ANKRD62: variants seen among roughly 807,000 people sequenced by gnomAD.
ANKRD62 encodes ankyrin repeat domain 62.
In ANKRD62, 61 loss-of-function variants were observed where a neutral mutation model predicts 98.8. The observed-to-expected ratio is 0.62, with a 90% CI of 0.50 to 0.76. ANKRD62 has a LOEUF of 0.76. ANKRD62 is among the 30% of genes least tolerant of loss of function. ANKRD62 has a pLI of 0.00. For missense variants in ANKRD62, 933 were observed against 1,082.9 expected, an observed-to-expected ratio of 0.86 and a Z score of 1.94; for synonymous variants, 341 against 367.9, an observed-to-expected ratio of 0.93 and a Z score of 0.84.
chr18:12,115,357 C>T (rs748330894), intron 9 of ANKRD62, 36 bp from the exon 10 acceptor site: 88 of 1,499,916 alleles, frequency 5.9e-5, no homozygotes, highest in South Asian at 1.8e-4. Flanking sequence ...ATAAATATTT[C>T]GAGGGCATTT....
intron 9 of ANKRD62, 99 bp from the exon 10 acceptor site, chr18:12,115,294 T>C: frequency 7.6e-7 from 1 of 1,322,316 alleles, no homozygotes; most frequent in Non-Finnish European, 1.0e-6. Flanking sequence ...ACCTGTGTTT[T>C]TGCTCATGTA....
At chr18:12,122,923 T>C (rs1909810424) in intron 11 of ANKRD62, among the ~76,000 whole-genome samples, 1 of 152,200 alleles carries the variant, frequency 6.6e-6, no homozygotes. Flanking sequence ...TTAAAAGAGA[T>C]CGTTGATTAA....
chr18:12,102,348 C>G, intron 6 of ANKRD62: 1 of 657,610 alleles, frequency 1.5e-6, no homozygotes, highest in Non-Finnish European at 2.9e-6. Context: ...CCACACCATT[C>G]GGGGGTAGGT....
At chr18:12,173,865 G>C in the ANKRD62 span, among the ~76,000 whole-genome samples, 1 of 152,204 alleles carries the variant, frequency 6.6e-6, no homozygotes, top group Non-Finnish European at 1.5e-5. Context: ...CCTGTCATTA[G>C]TCTGATGGAT....
At chr18:12,102,155 C>G in intron 6 of ANKRD62, 1 of 1,179,162 alleles carries the variant, frequency 8.5e-7, no homozygotes, top group Non-Finnish European at 1.3e-6. Flanking sequence ...TGTCCAAGGC[C>G]CGAGTAACTA....
rs908083386 is a variant in ANKRD62, at chr18:12,126,072, A to G, written c.2251A>G (p.Ile751Val). 1.2e-5 allele frequency: 19 copies of G among 1,536,082 alleles called. No homozygotes were observed. The highest frequency in any genetic ancestry group is 6.8e-5 in the African/African-American group (5 of 73,064). The change falls in exon 13 of 14, where the codon ATT becomes GTT. Residue 751 changes from isoleucine to valine, a missense_variant. Around this residue, in one of 3 missense-constraint regions of ANKRD62, gnomAD observed 362 missense variants for 434.5 expected, o/e 0.83. Coordinates refer to ENST00000587848, the MANE Select transcript of ANKRD62 (RefSeq NM_001277333.2). Reference protein sequence around the residue: ...LSRTQRRLEDIEHMYQNDQPI... With the variant: ...LSRTQRRLEDVEHMYQNDQPI... ...CCGAACACAGCGTCGATTGGAGGAC[A>G]TTGAACACATGTACCAAAATGACCA...
rs546360409 is a variant in ANKRD62, at chr18:12,096,308, G to A, written c.614+6G>A. ...GCAATAGATAATTTTGGAAGGTACA[G>A]TAGTTCTTTTTTTGTTCATTTTTAA... On this transcript the variant is annotated splice_donor_region_variant and intron_variant, in intron 4 of 13. Coordinates refer to ENST00000587848, the MANE Select transcript of ANKRD62 (RefSeq NM_001277333.2). 5 of 1,487,254 alleles carry A rather than the reference G, an allele frequency of 3.4e-6. No homozygotes were observed. The South Asian group carries it at 5.0e-5, about 15-fold the overall frequency. 92.1% of individuals were successfully genotyped at this position (1,487,254 alleles called of 1,614,324 possible). A position where few individuals can be genotyped will look rare whatever the true frequency, so the allele number is the denominator to read the frequency against.
chr18:12,145,184 C>T, the ANKRD62 span, among the ~76,000 whole-genome samples: 1 of 152,090 alleles, frequency 6.6e-6, no homozygotes, highest in East Asian at 1.9e-4. Flanking sequence ...TTGGCCTGCA[C>T]TCTCTGAAGG....
At chr18:12,181,606 C>A in the ANKRD62 span, among the ~76,000 whole-genome samples, 3 of 152,156 alleles carry the variant, frequency 2.0e-5, no homozygotes, top group Non-Finnish European at 4.4e-5. Flanking sequence ...GTAGCCATCA[C>A]CATGATCTAA....
intron 11 of ANKRD62, among the ~76,000 whole-genome samples, 189 bp downstream of exon 11, chr18:12,122,705 A>C (rs1310272399): frequency 6.6e-6 from 1 of 152,200 alleles, no homozygotes; most frequent in South Asian, 2.1e-4. Flanking sequence ...AATTAATTGC[A>C]TATCCCTTTA....
At position 12,094,143 on chromosome 18, in the gene ANKRD62, C is replaced by T; in HGVS notation, c.126C>T (p.Ile42=). Reference sequence around the variant, plus strand: ...TCCGGCAGAAGGATCTGGGCATGATCCACAAAGCTGCCATCGCAGGTGATG... The same window carrying T: ...TCCGGCAGAAGGATCTGGGCATGATTCACAAAGCTGCCATCGCAGGTGATG... ...YRVRQKDLGM[I]HKAAIAGDVN... Residue 42 remains isoleucine, a synonymous_variant, in exon 1 of 14, where the codon ATC becomes ATT. Coordinates refer to ENST00000587848, the MANE Select transcript of ANKRD62 (RefSeq NM_001277333.2). 1 of 1,533,290 alleles carries T rather than the reference C, an allele frequency of 6.5e-7. No homozygotes were observed. Among genetic ancestry groups the T allele is most frequent in the Non-Finnish European group, 8.7e-7 (1 of 1,146,440 alleles). The allele number at this position is 1,533,290 out of a possible 1,614,324, so 95.0% of individuals were successfully genotyped here. A position where few individuals can be genotyped will look rare whatever the true frequency, so the allele number is the denominator to read the frequency against.
At position 12,122,335 on chromosome 18, in the gene ANKRD62, A is replaced by C. The variant is rs780949882; in HGVS notation, c.1273A>C (p.Thr425Pro). The C allele has an allele frequency of 6.5e-7, 1 of 1,535,122 alleles. No individual in the cohort carries two copies. Among genetic ancestry groups the C allele is most frequent in the South Asian group, 1.2e-5 (1 of 83,898 alleles). The change falls in exon 11 of 14, where the codon ACA becomes CCA. Residue 425 changes from threonine (T) to proline (P), a missense_variant. This residue lies in a region of ANKRD62 where 549 missense variants were observed against 587.9 expected (regional missense o/e 0.93). Coordinates refer to ENST00000587848, the MANE Select transcript of ANKRD62 (RefSeq NM_001277333.2). ...TAGCCTATCGAAAAGCAAGAATGCAACAGCTGCATGTGGAAGATCAATAGA... is the reference window on the plus strand; with the variant it reads ...TAGCCTATCGAAAAGCAAGAATGCACCAGCTGCATGTGGAAGATCAATAGA... ...FVSLSKSKNA[T>P]AACGRSIEDQ...
downstream of ANKRD62, among the ~76,000 whole-genome samples, chr18:12,130,106 T>C (rs1457597654): frequency 6.6e-6 from 1 of 152,164 alleles, no homozygotes; most frequent in Non-Finnish European, 1.5e-5. Context: ...AGTATGTCTA[T>C]GTGAAGTCAA....
downstream of ANKRD62, among the ~76,000 whole-genome samples, chr18:12,131,785 C>G (rs1255065895): frequency 6.6e-6 from 1 of 151,914 alleles, no homozygotes; most frequent in Non-Finnish European, 1.5e-5. Context: ...GACTTGGTTT[C>G]TGGACTCTGT....
intron 7 of ANKRD62, among the ~76,000 whole-genome samples, chr18:12,106,484 G>A (rs1010746399): frequency 2.4e-4 from 36 of 152,106 alleles, no homozygotes; most frequent in Non-Finnish European, 3.8e-4. Flanking sequence ...TGAATTTATC[G>A]GTAATTTATC....
chr18:12,098,789 G>C (rs952462136), intron 5 of ANKRD62, among the ~76,000 whole-genome samples: 3 of 152,086 alleles, frequency 2.0e-5, no homozygotes, highest in Non-Finnish European at 2.9e-5. Context: ...AAAATATGAG[G>C]GTTTTTGTCT....
Position 12,096,301 on chromosome 18 carries a change from A to G in ANKRD62, c.613A>G (p.Arg205Gly), listed in dbSNP as rs940855784. Residue 205 changes from arginine to glycine, a missense_variant and splice_region_variant, in exon 4 of 14, where the codon AGA becomes GGA. Physicochemically the swap from Arg to Gly is moderately radical, Grantham distance 125. This residue lies in a region of ANKRD62 where 549 missense variants were observed against 587.9 expected (regional missense o/e 0.93). Coordinates refer to ENST00000587848, the MANE Select transcript of ANKRD62 (RefSeq NM_001277333.2). ...TTTAACTGCAATAGATAATTTTGGA[A>G]GGTACAGTAGTTCTTTTTTTGTTCA... ...PDLTAIDNFG[R>G]TALILAARNG... 8.7e-6 allele frequency: 13 copies of G among 1,499,042 alleles called. No homozygotes were observed. In the African/African-American group the frequency reaches 1.7e-4, roughly 19 times the overall value. 92.9% of individuals were successfully genotyped at this position (1,499,042 alleles called of 1,614,324 possible). A position where few individuals can be genotyped will look rare whatever the true frequency, so the allele number is the denominator to read the frequency against.
chr18:12,122,425 G>C lies in ANKRD62; in HGVS notation c.1363G>C (p.Val455Leu). The C allele has an allele frequency of 6.5e-7, 1 of 1,535,048 alleles. No individual in the cohort carries two copies. The highest frequency in any genetic ancestry group is 1.2e-5 in the South Asian group (1 of 83,922). Residue 455 changes from valine to leucine, a missense_variant, in exon 11 of 14, where the codon GTA (valine) becomes CTA (leucine). This residue lies in a region of ANKRD62 where 549 missense variants were observed against 587.9 expected (regional missense o/e 0.93). Transcript: ENST00000587848. ...TCAAAAAATGAAAAATAATATTAGC[G>C]TACTACAAAAGGTACTATCTGAAAC... ...KFQKMKNNIS[V>L]LQKVLSETDK...
intron 9 of ANKRD62, 46 bp downstream of exon 9, chr18:12,115,167 A>G (rs535974254): frequency 1.5e-6 from 2 of 1,373,552 alleles, no homozygotes; most frequent in Non-Finnish European, 1.9e-6. Context: ...ACATACCTTA[A>G]AAAAGATCAT....
Sources: allele counts gnomAD v4.1 joint callset (sites outside exome capture counted in the v4.1 genomes callset), GRCh38; gene constraint gnomAD v4.1.1; regional missense constraint gnomAD v4.1.1; transcripts MANE v1.5; gene names NCBI Gene and HGNC (gene_info 2026-07-23, HGNC 2026-07-21).